The following RBPMS variants were observed in gnomAD, a reference collection of about 807,000 sequenced individuals.
The protein encoded by RBPMS is RNA-binding protein with multiple splicing.
A neutral mutation model predicts 26.8 loss-of-function variants in RBPMS; 7 were observed. The observed-to-expected ratio is 0.26, with a 90% CI of 0.15 to 0.49. The LOEUF (loss-of-function observed/expected upper bound fraction) is 0.49. RBPMS is among the 20% of genes least tolerant of loss of function. RBPMS has a pLI of 0.98. For missense variants in RBPMS, 186 were observed against 250.0 expected (o/e 0.74, Z 1.73); for synonymous variants, 96 against 93.3 (o/e 1.03, Z -0.17).
At chr8:30,552,303 A>T (rs376434321) in intron 6 of RBPMS, 3 of 152,212 alleles carry the variant, frequency 2.0e-5, no homozygotes, top group East Asian at 1.9e-4. Flanking sequence ...GGCCACAGAG[A>T]AACTTTGGAA....
At chr8:30,508,313 A>G (rs1821260327) in intron 5 of RBPMS, among the ~76,000 whole-genome samples, 1 of 152,094 alleles carries the variant, frequency 6.6e-6, no homozygotes, top group African/African-American at 2.4e-5. Flanking sequence ...TAAGCCACTC[A>G]CTCTGGTATA....
At chr8:30,432,080 C>G (rs1812000447) in intron 1 of RBPMS, among the ~76,000 whole-genome samples, 1 of 152,080 alleles carries the variant, frequency 6.6e-6, no homozygotes, top group South Asian at 2.1e-4. Context: ...GAGCCATGAT[C>G]ACGCCGCTGC....
At chr8:30,416,675 G>A (rs960593106) in intron 1 of RBPMS, among the ~76,000 whole-genome samples, 28 of 152,112 alleles carry the variant, frequency 1.8e-4, no homozygotes, top group Admixed American at 6.5e-4. Flanking sequence ...GGGTTTCACC[G>A]TGTTAGCCAG....
intron 1 of RBPMS, among the ~76,000 whole-genome samples, chr8:30,437,711 A>C (rs1812625184): frequency 6.6e-6 from 1 of 151,836 alleles, no homozygotes; most frequent in East Asian, 1.9e-4. Context: ...GAATCACTTG[A>C]ACTCGGGAGA....
At chr8:30,527,185 T>C (rs914133862) in intron 5 of RBPMS, among the ~76,000 whole-genome samples, 4 of 152,184 alleles carry the variant, frequency 2.6e-5, no homozygotes, top group South Asian at 4.1e-4. Flanking sequence ...TGGCAAAACC[T>C]TGAAGTGAGT....
At chr8:30,561,965 G>A in intron 7 of RBPMS, 1 of 985,348 alleles carries the variant, frequency 1.0e-6, no homozygotes, top group Non-Finnish European at 1.2e-6. Flanking sequence ...ATGGCTACTA[G>A]AAGGACGAAC....
At chr8:30,452,722 G>A (rs1814734320) in intron 1 of RBPMS, among the ~76,000 whole-genome samples, 1 of 152,188 alleles carries the variant, frequency 6.6e-6, no homozygotes, top group African/African-American at 2.4e-5. Context: ...ATTCTCTACT[G>A]CAGGGGATAT....
At chr8:30,390,280 C>T (rs933438641) in intron 1 of RBPMS, among the ~76,000 whole-genome samples, 3 of 152,194 alleles carry the variant, frequency 2.0e-5, no homozygotes, top group African/African-American at 4.8e-5. Flanking sequence ...ACAAGCCTAG[C>T]GGTGAGAATC....
At chr8:30,490,978 T>C (rs992639848) in intron 4 of RBPMS, among the ~76,000 whole-genome samples, 8 of 152,176 alleles carry the variant, frequency 5.3e-5, no homozygotes, top group African/African-American at 1.9e-4. Flanking sequence ...ACTTGTGCCT[T>C]AAGCCCCAAG....
chr8:30,542,146 AC>A (rs1470695090), intron 5 of RBPMS, among the ~76,000 whole-genome samples: 1 of 152,196 alleles, frequency 6.6e-6, no homozygotes, highest in African/African-American at 2.4e-5. Flanking sequence ...CCTCACTAAT[AC>A]GTTACTACTA....
intron 5 of RBPMS, among the ~76,000 whole-genome samples, chr8:30,542,100 A>G (rs907846312): frequency 6.6e-6 from 1 of 152,194 alleles, no homozygotes; most frequent in East Asian, 1.9e-4. Context: ...GGGATTTATC[A>G]AGTGTAAGTT....
intron 5 of RBPMS, among the ~76,000 whole-genome samples, chr8:30,525,776 G>T (rs1468474742): frequency 1.3e-5 from 2 of 152,160 alleles, no homozygotes; most frequent in African/African-American, 4.8e-5. Flanking sequence ...GTAGGTGGCG[G>T]GTGTCAGGAC....
At chr8:30,562,327 G>GAAA (rs753001749) in intron 7 of RBPMS, among the ~76,000 whole-genome samples, 2 of 103,404 alleles carry the variant, frequency 1.9e-5, no homozygotes, top group East Asian at 2.8e-4. Context: ...CAAGACTGTC[G>GAAA]AAAAAAAAAA....
At chr8:30,508,419 T>G (rs140943847) in intron 5 of RBPMS, among the ~76,000 whole-genome samples, 1 of 152,350 alleles carries the variant, frequency 6.6e-6, no homozygotes, top group East Asian at 1.9e-4. Flanking sequence ...TAAGTTTGGT[T>G]TAGTTACCTA....
intron 5 of RBPMS, among the ~76,000 whole-genome samples, chr8:30,515,764 T>A (rs1049855171): frequency 1.3e-5 from 2 of 152,322 alleles, no homozygotes; most frequent in Admixed American, 6.5e-5. Flanking sequence ...TAAGTGATCC[T>A]CCTGCCTCAG....
intron 1 of RBPMS, among the ~76,000 whole-genome samples, chr8:30,386,040 A>G (rs146952838): frequency 0.012 from 1,764 of 152,270 alleles, 31 homozygotes; most frequent in African/African-American, 0.041. Context: ...CCAAGAAATT[A>G]TTTCTGGCGT....
intron 7 of RBPMS, chr8:30,564,680 G>A (rs1250686149): frequency 2.0e-5 from 3 of 152,376 alleles, no homozygotes; most frequent in African/African-American, 7.2e-5. Flanking sequence ...CTGAGCATGT[G>A]CACTGGCAGA....
chr8:30,482,267 G>A (rs1251218569), intron 4 of RBPMS, among the ~76,000 whole-genome samples: 1 of 152,042 alleles, frequency 6.6e-6, no homozygotes, highest in Non-Finnish European at 1.5e-5. Context: ...ATCTGTCCAG[G>A]GTTCTCTTAA....
At chr8:30,542,798 G>T (rs1825519261) in intron 5 of RBPMS, among the ~76,000 whole-genome samples, 1 of 152,232 alleles carries the variant, frequency 6.6e-6, no homozygotes, top group South Asian at 2.1e-4. Context: ...AAATCACATG[G>T]TCTCATCACA....
Sources: allele counts gnomAD v4.1 joint callset (sites outside exome capture counted in the v4.1 genomes callset), GRCh38; gene constraint gnomAD v4.1.1; transcripts MANE v1.5; gene names NCBI Gene and HGNC (gene_info 2026-07-23, HGNC 2026-07-21).